The following IL1RAP variants were observed in gnomAD, a reference collection of about 807,000 sequenced individuals.
IL1RAP encodes interleukin-1 receptor accessory protein.
IL1RAP carries 35 observed loss-of-function variants against 60.7 expected under a neutral mutation model. The observed-to-expected ratio is 0.58, with a 90% CI of 0.44 to 0.76. The LOEUF (loss-of-function observed/expected upper bound fraction) is 0.76, where lower values mean the gene tolerates loss of function less well. IL1RAP is among the 30% of genes least tolerant of loss of function. The pLI is 0.00. For synonymous variants in IL1RAP, 268 were observed against 250.9 expected, an observed-to-expected ratio of 1.07 and a Z score of -0.64; for missense variants, 572 against 693.9, an observed-to-expected ratio of 0.82 and a Z score of 1.97.
chr3:190,647,737 T>G (rs1280834436), intron 11 of IL1RAP, among the ~76,000 whole-genome samples: 8 of 152,154 alleles, frequency 5.3e-5, no homozygotes, highest in Non-Finnish European at 1.2e-4. Flanking sequence ...TGGCTAGATT[T>G]TGTTAAGCTT....
At position 190,644,395 on chromosome 3, in the gene IL1RAP, T is replaced by C. The variant is rs547055700; in HGVS notation, c.1199T>C (p.Leu400Ser). The C allele has an allele frequency of 1.9e-6, 3 of 1,612,312 alleles. No homozygotes were observed. The highest frequency in any genetic ancestry group is 2.2e-5 in the East Asian group (1 of 44,862). The change falls in exon 10 of 12, where the codon TTA becomes TCA. Residue 400 changes from leucine (L) to serine (S), a missense_variant and splice_region_variant. Physicochemically the swap from Leu to Ser is moderately radical, Grantham distance 145 (BLOSUM62 -2). Transcript: ENST00000447382. ...RAHFGTDETILDGKEYDIYVS... is the reference protein window; with the variant it reads ...RAHFGTDETISDGKEYDIYVS... Reference sequence around the variant, plus strand: ...CATTTTGGAACAGATGAAACCATTTTAGGTAAGTAACAGAAATTTGACATA... The same window carrying C: ...CATTTTGGAACAGATGAAACCATTTCAGGTAAGTAACAGAAATTTGACATA...
At chr3:190,605,894 T>TG (rs1000152703) in intron 4 of IL1RAP, among the ~76,000 whole-genome samples, 1 of 152,176 alleles carries the variant, frequency 6.6e-6, no homozygotes, top group African/African-American at 2.4e-5. Context: ...GCATATAAAT[T>TG]GGGGTTGGGT....
intron 2 of IL1RAP, among the ~76,000 whole-genome samples, 160 bp downstream of exon 2, chr3:190,556,376 T>TCA (rs1018836833): frequency 6.6e-6 from 1 of 151,626 alleles, no homozygotes; most frequent in Admixed American, 6.6e-5. Flanking sequence ...ATAGCATTTT[T>TCA]TATATATATA....
chr3:190,565,666 C>T (rs1220634571), intron 3 of IL1RAP, among the ~76,000 whole-genome samples: 5 of 152,176 alleles, frequency 3.3e-5, no homozygotes, highest in East Asian at 1.9e-4. Context: ...GGCTGGGATG[C>T]GCTAGGAGAC....
intron 3 of IL1RAP, among the ~76,000 whole-genome samples, chr3:190,584,764 CTGATTTG>C (rs1267271241): frequency 1.3e-5 from 2 of 152,124 alleles, no homozygotes; most frequent in Non-Finnish European, 2.9e-5. Context: ...CATTGAATAG[CTGATTTG>C]TGGCTTGTCT....
intron 1 of IL1RAP, among the ~76,000 whole-genome samples, chr3:190,515,935 C>T (rs180942146): frequency 3.3e-5 from 5 of 152,290 alleles, no homozygotes; most frequent in Admixed American, 3.3e-4. Context: ...CAGACATTCA[C>T]ATGCCCACAC....
chr3:190,639,093 T>C lies in IL1RAP; in HGVS notation c.1052-5155T>C, dbSNP rs536546311. ...TTGAAAATCAAATTATGATGGCCTG[T>C]GGTGTCCTTTGTGTGTGTGTGTTTC... On this transcript the variant is annotated intron_variant, in intron 9 of 11. Coordinates refer to ENST00000447382, the MANE Select transcript of IL1RAP (RefSeq NM_002182.4). Among the ~76,000 whole-genome samples, 6 of 152,308 alleles carry C rather than the reference T, an allele frequency of 3.9e-5. No homozygotes were observed. In the South Asian group the frequency reaches 8.3e-4, roughly 21 times the overall value.
chr3:190,656,419 A>T (rs1734621940), downstream of IL1RAP: 1 of 1,537,106 alleles, frequency 6.5e-7, no homozygotes, highest in African/African-American at 1.4e-5. Flanking sequence ...CCTTAGGAAC[A>T]AGAGCCGGGC....
chr3:190,607,453 G>A (rs11719416), intron 4 of IL1RAP, among the ~76,000 whole-genome samples: 87,952 of 152,048 alleles, frequency 0.58, 28,437 homozygotes, highest in East Asian at 0.82. Flanking sequence ...AACATAAATA[G>A]CGTTGTGGGA....
chr3:190,645,448 G>C (rs1351215335), intron 10 of IL1RAP, among the ~76,000 whole-genome samples: 5 of 152,124 alleles, frequency 3.3e-5, no homozygotes, highest in African/African-American at 1.2e-4. Context: ...ATTTACAGTT[G>C]AATGGGACAA....
At chr3:190,559,549 C>G (rs1188705336) in intron 2 of IL1RAP, among the ~76,000 whole-genome samples, 2 of 152,180 alleles carry the variant, frequency 1.3e-5, no homozygotes, top group Non-Finnish European at 2.9e-5. Flanking sequence ...ACATTAGCTG[C>G]ATCCCACACA....
At chr3:190,640,334 A>G (rs1161722242) in intron 9 of IL1RAP, among the ~76,000 whole-genome samples, 1 of 152,234 alleles carries the variant, frequency 6.6e-6, no homozygotes, top group Non-Finnish European at 1.5e-5. Context: ...TAGATATGGA[A>G]GGAAGGCTAG....
At chr3:190,608,069 A>C (rs1730500700) in intron 4 of IL1RAP, among the ~76,000 whole-genome samples, 1 of 152,206 alleles carries the variant, frequency 6.6e-6, no homozygotes. Flanking sequence ...CCTTACCAGC[A>C]CTGAGCATTA....
intron 1 of IL1RAP, among the ~76,000 whole-genome samples, chr3:190,538,254 T>A (rs1723637202): frequency 6.6e-6 from 1 of 152,278 alleles, no homozygotes; most frequent in Middle Eastern, 3.4e-3. Flanking sequence ...CCTCTGGGGG[T>A]TGACTAGAAA....
chr3:190,624,420 T>C (rs1263324853), intron 7 of IL1RAP, among the ~76,000 whole-genome samples: 1 of 152,226 alleles, frequency 6.6e-6, no homozygotes, highest in Non-Finnish European at 1.5e-5. Flanking sequence ...GTCTTTGTAC[T>C]AGTTTTTATA....
intron 1 of IL1RAP, 96 bp downstream of exon 1, chr3:190,514,315 C>G (rs1290892343): frequency 6.6e-6 from 1 of 152,328 alleles, no homozygotes; most frequent in Non-Finnish European, 1.5e-5. Context: ...AACCCTCCTA[C>G]TTTACAGAAG....
chr3:190,653,033 A>T (rs1292348726), downstream of IL1RAP, among the ~76,000 whole-genome samples: 6 of 152,142 alleles, frequency 3.9e-5, no homozygotes, highest in African/African-American at 1.4e-4. Context: ...CTCTGTTTCT[A>T]CTCAAGGAAT....
chr3:190,592,984 G>A (rs1266357168), intron 3 of IL1RAP, among the ~76,000 whole-genome samples: 6 of 152,270 alleles, frequency 3.9e-5, no homozygotes, highest in African/African-American at 1.4e-4. Context: ...GCCATAAACA[G>A]GAGTAGTACA....
At chr3:190,656,341 T>A, downstream of IL1RAP, 1 of 1,537,130 alleles carries the variant, frequency 6.5e-7, no homozygotes, top group Non-Finnish European at 8.7e-7. Flanking sequence ...AGGCACAATG[T>A]CCAAGCACCG....
Sources: gnomAD v4.1 joint callset for allele counts (sites outside exome capture counted in the v4.1 genomes callset) on GRCh38, gnomAD v4.1.1 for gene constraint, MANE v1.5 for transcripts, NCBI Gene and HGNC (gene_info 2026-07-23, HGNC 2026-07-21) for gene names.